The following MBTD1 variants were observed in gnomAD, a reference collection of about 807,000 sequenced individuals.
MBTD1 encodes the protein MBT domain-containing protein 1.
In MBTD1, 24 loss-of-function variants were observed where a neutral mutation model predicts 87.8. The ratio of observed to expected loss-of-function variants is 0.27; its 90% CI spans 0.20 to 0.38. The LOEUF (loss-of-function observed/expected upper bound fraction) is 0.38. Ranked by LOEUF, MBTD1 falls within the 10% of genes least tolerant of loss-of-function variation. The pLI is 1.00. For synonymous variants in MBTD1, 237 were observed against 248.6 expected, an observed-to-expected ratio of 0.95 and a Z score of 0.44; for missense variants, 436 against 760.2, an observed-to-expected ratio of 0.57 and a Z score of 5.02.
At position 51,179,484 on chromosome 17, in the gene MBTD1, TTATATATATATATATATATATATA is replaced by T. The variant is rs56750454; in HGVS notation, c.*1068_*1091del. 33 of 35,308 alleles carry T rather than the reference TTATATATATATATATATATATATA, an allele frequency of 9.3e-4. 1 individual carries two copies. Among genetic ancestry groups the T allele is most frequent in the South Asian group, 5.5e-3 (5 of 914 alleles). 2.2% of individuals were successfully genotyped at this position (35,308 alleles called of 1,614,324 possible). Reference sequence around the variant, plus strand: ...ATCCTGAATACAATTAAAGACAATTTTATATATATATATATATATATATATATATATATATATATATATATATAT... The same window carrying T: ...ATCCTGAATACAATTAAAGACAATTTTATATATATATATATATATATATAT... On this transcript the variant is annotated 3_prime_UTR_variant, in exon 17 of 17. Transcript: ENST00000586178.
chr17:51,247,908 T>G (rs74380347), intron 2 of MBTD1, among the ~76,000 whole-genome samples: 1 of 152,154 alleles, frequency 6.6e-6, no homozygotes, highest in Non-Finnish European at 1.5e-5. Context: ...TCTAGGAAAA[T>G]TGGTCTTATT....
upstream of MBTD1, chr17:51,260,572 C>T (rs780801096): frequency 2.5e-6 from 4 of 1,609,916 alleles, no homozygotes; most frequent in South Asian, 3.3e-5. Flanking sequence ...TGCGTTTCTC[C>T]TCAAACCTAA....
intron 12 of MBTD1, among the ~76,000 whole-genome samples, chr17:51,197,094 A>G (rs1470099599): frequency 1.0e-4 from 1 of 10,040 alleles, no homozygotes; most frequent in African/African-American, 6.8e-4. Context: ...ATATATATAT[A>G]TATATATATA....
At chr17:51,188,279 TATG>T (rs1280055354) in intron 16 of MBTD1, among the ~76,000 whole-genome samples, 1 of 152,232 alleles carries the variant, frequency 6.6e-6, no homozygotes, top group Non-Finnish European at 1.5e-5. Flanking sequence ...AGAGAGTGTC[TATG>T]ATCCTTCTGG....
intron 6 of MBTD1, among the ~76,000 whole-genome samples, chr17:51,208,515 G>A (rs1046452317): frequency 3.5e-4 from 53 of 152,200 alleles, no homozygotes; most frequent in Admixed American, 3.5e-3. Flanking sequence ...ACACTAGAAA[G>A]AAGACAGGTA....
chr17:51,191,961 C>G (rs560875537), intron 16 of MBTD1: 1 of 455,806 alleles, frequency 2.2e-6, no homozygotes, highest in Admixed American at 4.2e-5. Flanking sequence ...GAATCATTCA[C>G]AGACTCTATT....
chr17:51,225,785 CT>C (rs34812017), intron 2 of MBTD1, among the ~76,000 whole-genome samples: 75,450 of 146,556 alleles, frequency 0.51, 19,461 homozygotes, highest in South Asian at 0.66. Flanking sequence ...ATTCCTAGCA[CT>C]TTTTTTTTTT....
intron 6 of MBTD1, among the ~76,000 whole-genome samples, chr17:51,212,971 G>A (rs537188175): frequency 7.9e-5 from 12 of 152,174 alleles, no homozygotes; most frequent in South Asian, 4.1e-4. Context: ...CTTGTGATCC[G>A]CCTGCCTCGG....
At chr17:51,192,509 T>C (rs1355197434) in intron 15 of MBTD1, 1 of 649,404 alleles carries the variant, frequency 1.5e-6, no homozygotes, top group Non-Finnish European at 2.6e-6. Context: ...TTTTAGTATG[T>C]AATTTTTAAC....
intron 12 of MBTD1, among the ~76,000 whole-genome samples, chr17:51,195,714 T>C (rs937127002): frequency 6.6e-6 from 1 of 152,242 alleles, no homozygotes; most frequent in African/African-American, 2.4e-5. Flanking sequence ...TCCTACTTGG[T>C]AACACTTTGA....
At chr17:51,250,112 C>T (rs1421665730) in intron 2 of MBTD1, 2 of 151,276 alleles carry the variant, frequency 1.3e-5, no homozygotes, top group Non-Finnish European at 2.9e-5. Flanking sequence ...ACTATGTTGC[C>T]CAGGCTGGTC....
intron 16 of MBTD1, among the ~76,000 whole-genome samples, chr17:51,189,491 T>C (rs1598286225): frequency 6.6e-6 from 1 of 152,348 alleles, no homozygotes; most frequent in South Asian, 2.1e-4. Flanking sequence ...CTAATATTTC[T>C]TCATTAATTA....
At chr17:51,258,506 A>T (rs1173571798) in intron 2 of MBTD1, among the ~76,000 whole-genome samples, 1 of 105,002 alleles carries the variant, frequency 9.5e-6, no homozygotes, top group East Asian at 3.2e-4. Context: ...ATAGTTACTT[A>T]AAAAAAAAAA....
rs58917272 is a variant in MBTD1 at position 51,203,002 on chromosome 17, T to C, written c.829-67A>G. 2.4e-4 allele frequency: 324 copies of C among 1,371,572 alleles called. 1 individual carries two copies. The African/African-American group carries it at 3.7e-3, about 16-fold the overall frequency. 85.0% of individuals were successfully genotyped at this position (1,371,572 alleles called of 1,614,324 possible). On this transcript the variant is annotated intron_variant, in intron 9 of 16. Coordinates refer to ENST00000586178, the MANE Select transcript of MBTD1 (RefSeq NM_017643.3). ...AGGTCTACAAGAAATTTTTGTATTATACTGTAAAAAATACTGAATGCACTT... is the reference window on the plus strand; with the variant it reads ...AGGTCTACAAGAAATTTTTGTATTACACTGTAAAAAATACTGAATGCACTT...
Position 51,201,541 on chromosome 17 carries a change from AT to A in MBTD1, c.1224+50del, listed in dbSNP as rs570356840. On this transcript the variant is annotated intron_variant, in intron 12 of 16. Coordinates refer to ENST00000586178, the MANE Select transcript of MBTD1 (RefSeq NM_017643.3). ...GCTTGGGGACTCCTTCTATTAGCTT[AT>A]ACCCAAATCCTATAATTGCATTTCT... 1,404 of 1,201,672 alleles carry A rather than the reference AT, an allele frequency of 1.2e-3. 19 individuals carry two copies. In the African/African-American group the frequency reaches 0.019, roughly 16 times the overall value. 74.4% of individuals were successfully genotyped at this position (1,201,672 alleles called of 1,614,324 possible).
chr17:51,180,571 C>A lies in MBTD1; in HGVS notation c.*5G>T, dbSNP rs1340804757. On this transcript the variant is annotated 3_prime_UTR_variant, in exon 17 of 17. Transcript: ENST00000586178. ...TCCCCACCCGCCCTCAGTTTCTAAG[C>A]CACCTCATGGCTCTTGTTTGATGTA... is the stretch of plus-strand genomic sequence containing the variant. The A allele has an allele frequency of 6.6e-7, 1 of 1,509,172 alleles. No homozygotes were observed. The highest frequency in any genetic ancestry group is 9.0e-7 in the Non-Finnish European group (1 of 1,110,008). 93.5% of individuals were successfully genotyped at this position (1,509,172 alleles called of 1,614,324 possible).
intron 4 of MBTD1, 64 bp from the exon 5 acceptor site, chr17:51,219,108 G>A: frequency 2.5e-6 from 2 of 787,172 alleles, no homozygotes; most frequent in Admixed American, 2.0e-5. Flanking sequence ...CAATTTAACT[G>A]GACTGCATAC....
chr17:51,236,105 C>T (rs1039317673), intron 2 of MBTD1, among the ~76,000 whole-genome samples: 2 of 151,972 alleles, frequency 1.3e-5, no homozygotes, highest in African/African-American at 4.8e-5. Flanking sequence ...TATAGATTTA[C>T]ATACCTATAG....
chr17:51,231,647 T>C (rs1440176171), intron 2 of MBTD1, among the ~76,000 whole-genome samples: 1 of 152,152 alleles, frequency 6.6e-6, no homozygotes, highest in Non-Finnish European at 1.5e-5. Flanking sequence ...CAGAAAATGA[T>C]CATCTGCACA....
Sources: gnomAD v4.1 joint callset for allele counts (sites outside exome capture counted in the v4.1 genomes callset) on GRCh38, gnomAD v4.1.1 for gene constraint, MANE v1.5 for transcripts, NCBI Gene and HGNC (gene_info 2026-07-23, HGNC 2026-07-21) for gene names.